NRG1: variants seen among roughly 807,000 people sequenced by gnomAD.
NRG1 encodes the protein pro-neuregulin-1, membrane-bound isoform.
In NRG1, 18 loss-of-function variants were observed where a neutral mutation model predicts 63.8. The ratio of observed to expected loss-of-function variants is 0.28; its 90% CI spans 0.19 to 0.42. The LOEUF (loss-of-function observed/expected upper bound fraction) is 0.42, where lower values mean the gene tolerates loss of function less well. Ranked by LOEUF, NRG1 falls within the 10% of genes least tolerant of loss-of-function variation. The pLI is 1.00. For synonymous variants in NRG1, 302 were observed against 301.3 expected (o/e 1.00, Z -0.02); for missense variants, 762 against 814.7 (o/e 0.94, Z 0.79).
chr8:32,610,957 G>A (rs1404799303), intron 3 of NRG1, among the ~76,000 whole-genome samples: 2 of 151,992 alleles, frequency 1.3e-5, no homozygotes, highest in African/African-American at 2.4e-5. Context: ...TTGTATTTGT[G>A]GTTTATTTGG....
intron 1 of NRG1, among the ~76,000 whole-genome samples, chr8:31,927,244 G>A (rs1310648268): frequency 6.6e-6 from 1 of 152,016 alleles, no homozygotes; most frequent in Non-Finnish European, 1.5e-5. Flanking sequence ...GCATCATTTA[G>A]AGGGGTGGTT....
At chr8:32,182,047 C>T (rs956413353) in intron 1 of NRG1, among the ~76,000 whole-genome samples, 9 of 152,138 alleles carry the variant, frequency 5.9e-5, no homozygotes, top group Non-Finnish European at 8.8e-5. Flanking sequence ...TCCATATTAC[C>T]TAATTCAGTT....
At chr8:32,632,549 CA>C (rs5890673) in intron 5 of NRG1, among the ~76,000 whole-genome samples, 3,508 of 109,988 alleles carry the variant, frequency 0.032, 61 homozygotes, top group Middle Eastern at 0.11. Context: ...AACTCCATCT[CA>C]AAAAAAAAAA....
At chr8:32,289,027 A>G (rs1294891441) in intron 1 of NRG1, among the ~76,000 whole-genome samples, 1 of 152,196 alleles carries the variant, frequency 6.6e-6, no homozygotes, top group African/African-American at 2.4e-5. Context: ...GTTCCTTTGG[A>G]AACTCCTGGA....
At chr8:32,754,028 AAAAT>A (rs1017436545) in intron 7 of NRG1, among the ~76,000 whole-genome samples, 11 of 152,160 alleles carry the variant, frequency 7.2e-5, no homozygotes, top group South Asian at 4.1e-4. Flanking sequence ...ACTACAAAAA[AAAAT>A]AAAACTACAG....
intron 1 of NRG1, among the ~76,000 whole-genome samples, chr8:31,934,226 C>T (rs1835099157): frequency 1.3e-5 from 2 of 151,874 alleles, no homozygotes; most frequent in Admixed American, 1.3e-4. Flanking sequence ...AAGTCTGTTC[C>T]CTGCCTCCAT....
At chr8:31,816,363 C>G (rs1823444234) in intron 1 of NRG1, among the ~76,000 whole-genome samples, 1 of 152,174 alleles carries the variant, frequency 6.6e-6, no homozygotes, top group Non-Finnish European at 1.5e-5. Flanking sequence ...ACATCCAAGT[C>G]ACCTGAATTC....
At chr8:32,567,415 A>G (rs1244666213) in intron 1 of NRG1, among the ~76,000 whole-genome samples, 1 of 152,240 alleles carries the variant, frequency 6.6e-6, no homozygotes, top group Non-Finnish European at 1.5e-5. Context: ...GGTTTTGCCA[A>G]TGCATCAAAA....
intron 1 of NRG1, among the ~76,000 whole-genome samples, chr8:31,761,338 A>G (rs1274128947): frequency 6.6e-6 from 1 of 152,112 alleles, no homozygotes; most frequent in African/African-American, 2.4e-5. Flanking sequence ...GCATTAGGAG[A>G]TATACCTAAT....
chr8:32,429,450 C>T (rs1817852796), intron 1 of NRG1, among the ~76,000 whole-genome samples: 2 of 152,264 alleles, frequency 1.3e-5, no homozygotes, highest in South Asian at 4.1e-4. Context: ...TTGCCATATA[C>T]TGATTATTAA....
chr8:31,867,569 ATAAT>A (rs906618823), intron 1 of NRG1, among the ~76,000 whole-genome samples: 1 of 137,006 alleles, frequency 7.3e-6, no homozygotes, highest in Non-Finnish European at 1.6e-5. Context: ...GTCTTGGTAT[ATAAT>A]TCCTTTGTAC....
chr8:32,511,398 T>TAA (rs562640568), intron 1 of NRG1, among the ~76,000 whole-genome samples: 1 of 140,406 alleles, frequency 7.1e-6, no homozygotes, highest in Non-Finnish European at 1.5e-5. Context: ...TATATATATA[T>TAA]AAATAAAATA....
intron 8 of NRG1, among the ~76,000 whole-genome samples, chr8:32,754,830 T>A (rs2129053008): frequency 6.6e-6 from 1 of 152,214 alleles, no homozygotes; most frequent in South Asian, 2.1e-4. Context: ...AGGGCTTTAG[T>A]ATAATTAAGT....
intron 1 of NRG1, among the ~76,000 whole-genome samples, chr8:32,240,156 T>A (rs2129469606): frequency 6.6e-6 from 1 of 152,212 alleles, no homozygotes; most frequent in Admixed American, 6.5e-5. Context: ...AACCCAAATA[T>A]CCTTAGATCA....
intron 1 of NRG1, among the ~76,000 whole-genome samples, chr8:32,142,859 A>G (rs1836433193): frequency 6.6e-6 from 1 of 152,238 alleles, no homozygotes; most frequent in African/African-American, 2.4e-5. Flanking sequence ...GATAGAGTCC[A>G]GTGAAAAGAA....
chr8:32,129,284 G>T (rs551324426), intron 1 of NRG1, among the ~76,000 whole-genome samples: 1 of 151,898 alleles, frequency 6.6e-6, no homozygotes, highest in Non-Finnish European at 1.5e-5. Flanking sequence ...TTATCCTGTC[G>T]TACTTCTAGA....
chr8:32,122,048 T>A (rs1185233073), intron 1 of NRG1, among the ~76,000 whole-genome samples: 1 of 152,024 alleles, frequency 6.6e-6, no homozygotes, highest in East Asian at 1.9e-4. Flanking sequence ...GAATATCCAA[T>A]GGGTAAGACT....
chr8:32,525,883 TC>T (rs1830786759), intron 1 of NRG1, among the ~76,000 whole-genome samples: 1 of 152,216 alleles, frequency 6.6e-6, no homozygotes, highest in Admixed American at 6.5e-5. Flanking sequence ...TGTTACAAAT[TC>T]ATCAGCTGCC....
exon 12 of NRG1, chr8:32,767,314 C>CT (rs1831502411): frequency 6.6e-6 from 1 of 152,100 alleles, no homozygotes; most frequent in South Asian, 2.1e-4. Flanking sequence ...CTAACTATTC[C>CT]TTTTTATGGC....
Sources: allele counts gnomAD v4.1 joint callset (sites outside exome capture counted in the v4.1 genomes callset), GRCh38; gene constraint gnomAD v4.1.1; transcripts MANE v1.5; gene names NCBI Gene and HGNC (gene_info 2026-07-23, HGNC 2026-07-21).